Variants in IDE observed in about 807,000 individuals in gnomAD.
IDE encodes insulin degrading enzyme, also known as insulin-degrading enzyme.
Under a neutral mutation model 133.2 loss-of-function variants are expected in IDE, and 58 were observed. The ratio of observed to expected loss-of-function variants is 0.44; its 90% CI spans 0.35 to 0.54. IDE has a LOEUF of 0.54. Among genes scored for constraint, IDE ranks in the 20% least tolerant of loss-of-function variants. The pLI, the probability that IDE is intolerant of heterozygous loss-of-function variation, is 0.00. For missense variants in IDE, 981 were observed against 1,234.0 expected, an observed-to-expected ratio of 0.79 and a Z score of 3.07; for synonymous variants, 396 against 421.3, an observed-to-expected ratio of 0.94 and a Z score of 0.73.
chr10:92,556,150 G>C (rs181600760), intron 1 of IDE, among the ~76,000 whole-genome samples: 1 of 129,772 alleles, frequency 7.7e-6, no homozygotes, highest in Non-Finnish European at 1.5e-5. Context: ...TCCGCAGTCC[G>C]GCCTGGGTGA....
At chr10:92,520,404 C>T (rs1417186645) in intron 4 of IDE, among the ~76,000 whole-genome samples, 1 of 152,020 alleles carries the variant, frequency 6.6e-6, no homozygotes, top group Non-Finnish European at 1.5e-5. Context: ...ATTTCTTATA[C>T]TGGGAAGGAA....
chr10:92,506,377 A>C, intron 10 of IDE, 65 bp downstream of exon 10: 1 of 742,746 alleles, frequency 1.3e-6, no homozygotes, highest in Non-Finnish European at 2.2e-6. Context: ...ATTACTGAAA[A>C]TATATGCAAG....
intron 4 of IDE, among the ~76,000 whole-genome samples, chr10:92,520,143 C>G (rs1849145220): frequency 6.6e-6 from 1 of 152,134 alleles, no homozygotes; most frequent in South Asian, 2.1e-4. Flanking sequence ...CTCAGCATAG[C>G]ATCTATCAGA....
In IDE at chr10:92,537,448, T is replaced by C; in HGVS notation, c.201A>G (p.Leu67=). 1 of 1,614,072 alleles carries C rather than the reference T, an allele frequency of 6.2e-7. No individual in the cohort carries two copies. Among genetic ancestry groups the C allele is most frequent in the Non-Finnish European group, 8.5e-7 (1 of 1,179,900 alleles). Residue 67 remains leucine (L), a synonymous_variant, in exon 2 of 25, where the codon CTA becomes CTG. Transcript: ENST00000265986. ...SPEDKREYRG[L]ELANGIKVLL... is the part of the protein sequence containing the mutation. Reference sequence around the variant, plus strand: ...GTACTTTGATACCATTGGCCAGCTCTAGCCCTCGATATTCTCGCTTGTCTT... The same window carrying C: ...GTACTTTGATACCATTGGCCAGCTCCAGCCCTCGATATTCTCGCTTGTCTT...
intron 1 of IDE, among the ~76,000 whole-genome samples, chr10:92,565,115 C>G (rs1234310239): frequency 4.0e-5 from 6 of 151,540 alleles, no homozygotes; most frequent in Admixed American, 3.3e-4. Context: ...GGCGTGGTAG[C>G]GGGCGCCTGT....
In IDE at chr10:92,470,209, T is replaced by C. The variant is rs774772611; in HGVS notation, c.2208+45A>G. 10 of 1,281,960 alleles carry C rather than the reference T, an allele frequency of 7.8e-6. No individual in the cohort carries two copies. In the African/African-American group the frequency reaches 1.3e-4, roughly 17 times the overall value. 79.4% of individuals were successfully genotyped at this position (1,281,960 alleles called of 1,614,324 possible). The stretch of plus-strand genomic sequence containing the variant: ...TGAGAAAGACTAGAGGGAAAAAATA[T>C]CTTGCAATGATCCACAAAAGATTGC... On this transcript the variant is annotated intron_variant, in intron 18 of 24. Coordinates refer to ENST00000265986, the MANE Select transcript of IDE (RefSeq NM_004969.4).
At chr10:92,478,880 C>A in intron 15 of IDE, 1 of 529,724 alleles carries the variant, frequency 1.9e-6, no homozygotes, top group Non-Finnish European at 2.6e-6. Flanking sequence ...GGATATGCAG[C>A]CTCATGATCT....
chr10:92,485,204 C>G (rs1323140319), intron 13 of IDE, among the ~76,000 whole-genome samples: 1 of 147,316 alleles, frequency 6.8e-6, no homozygotes, highest in Admixed American at 6.9e-5. Flanking sequence ...CTCGGCTCAC[C>G]ACAATCTCCA....
At chr10:92,498,379 T>C (rs990813824) in intron 11 of IDE, among the ~76,000 whole-genome samples, 4 of 146,910 alleles carry the variant, frequency 2.7e-5, no homozygotes, top group Non-Finnish European at 6.0e-5. Flanking sequence ...TCCCAGCACT[T>C]TGAGAGGACG....
chr10:92,513,335 G>C (rs1293611609), intron 5 of IDE, among the ~76,000 whole-genome samples: 1 of 152,140 alleles, frequency 6.6e-6, no homozygotes, highest in African/African-American at 2.4e-5. Flanking sequence ...TGGGATTACA[G>C]GTGCCCGCCA....
At chr10:92,571,556 G>T (rs1238434383) in intron 1 of IDE, among the ~76,000 whole-genome samples, 1 of 152,162 alleles carries the variant, frequency 6.6e-6, no homozygotes, top group African/African-American at 2.4e-5. Flanking sequence ...TGTTGCCAGG[G>T]AATGGGCTAT....
intron 6 of IDE, among the ~76,000 whole-genome samples, chr10:92,509,243 G>A (rs35636429): frequency 5.3e-4 from 81 of 152,122 alleles, no homozygotes; most frequent in Non-Finnish European, 9.3e-4. Flanking sequence ...TATGTTTTTG[G>A]TGATTCATGA....
intron 9 of IDE, among the ~76,000 whole-genome samples, chr10:92,507,115 A>G (rs562892665): frequency 4.3e-4 from 65 of 152,320 alleles, no homozygotes; most frequent in Non-Finnish European, 6.8e-4. Context: ...ACGCAAAAAA[A>G]AAAGCCAGCC....
chr10:92,541,356 C>A (rs1217203317), intron 1 of IDE: 2 of 470,314 alleles, frequency 4.3e-6, no homozygotes, highest in Non-Finnish European at 8.8e-6. Flanking sequence ...ATGAATTCAT[C>A]AACAGCTTGC....
intron 1 of IDE, among the ~76,000 whole-genome samples, chr10:92,538,297 T>C (rs945753106): frequency 5.3e-5 from 8 of 152,214 alleles, no homozygotes; most frequent in Non-Finnish European, 8.8e-5. Flanking sequence ...TATTGAAAGA[T>C]AGGGTAGATC....
At chr10:92,529,372 C>T (rs931055730) in intron 4 of IDE, among the ~76,000 whole-genome samples, 4 of 152,206 alleles carry the variant, frequency 2.6e-5, no homozygotes, top group African/African-American at 9.7e-5. Context: ...GGTAACTTGA[C>T]ATTTGCATTA....
chr10:92,524,751 C>G (rs566075703), intron 4 of IDE, among the ~76,000 whole-genome samples: 58 of 140,464 alleles, frequency 4.1e-4, no homozygotes, highest in South Asian at 6.6e-4. Context: ...AGCAAAACCC[C>G]GTCTCTACTA....
intron 11 of IDE, among the ~76,000 whole-genome samples, chr10:92,500,676 A>G (rs550278940): frequency 1.3e-5 from 2 of 152,186 alleles, no homozygotes; most frequent in East Asian, 1.9e-4. Context: ...TATGATGTCA[A>G]TACTACCGTG....
intron 1 of IDE, chr10:92,573,157 C>T (rs2135866197): frequency 2.0e-6 from 2 of 985,436 alleles, no homozygotes; most frequent in East Asian, 2.3e-4. Context: ...AGCCTGAAAA[C>T]GCCTAGCGTA....
Sources: gnomAD v4.1 joint callset for allele counts (sites outside exome capture counted in the v4.1 genomes callset) on GRCh38, gnomAD v4.1.1 for gene constraint, MANE v1.5 for transcripts, NCBI Gene and HGNC (gene_info 2026-07-23, HGNC 2026-07-21) for gene names.